The following DCUN1D5 variants were observed in gnomAD, a reference collection of about 807,000 sequenced individuals.
The protein encoded by DCUN1D5 is DCN1-like protein 5.
Under a neutral mutation model 38.3 loss-of-function variants are expected in DCUN1D5, and 10 were observed. The observed-to-expected ratio is 0.26, with a 90% CI of 0.16 to 0.44. The LOEUF is 0.44. DCUN1D5 is among the 20% of genes least tolerant of loss of function. DCUN1D5 has a pLI of 1.00. For missense variants in DCUN1D5, 148 were observed against 275.3 expected (o/e 0.54, Z 3.27); for synonymous variants, 93 against 90.9 (o/e 1.02, Z -0.13).
intron 4 of DCUN1D5, among the ~76,000 whole-genome samples, chr11:103,081,006 TAAAAAA>T (rs746448262): frequency 2.2e-5 from 3 of 138,650 alleles, no homozygotes; most frequent in African/African-American, 7.9e-5. Context: ...AGACTCCGTC[TAAAAAA>T]AAAAAAAAAC....
At position 103,051,511 on chromosome 11, in the gene DCUN1D5, C is replaced by CG. The variant is rs1260776350; in HGVS notation, c.*10847_*10848insC. The CG allele has an allele frequency of 8.3e-6, 1 of 120,456 alleles. No homozygotes were observed. Among genetic ancestry groups the CG allele is most frequent in the East Asian group, 3.1e-4 (1 of 3,272 alleles). The allele number at this position is 120,456 out of a possible 1,614,324, so 7.5% of individuals were successfully genotyped here. On this transcript the variant is annotated 3_prime_UTR_variant, in exon 8 of 8. Transcript: ENST00000260247. Reference sequence around the variant, plus strand: ...CTTCACATATTTACTTCCCCCCCCCCCCCGCCACCCCTGTGTTAACAGGTT... The same window carrying CG: ...CTTCACATATTTACTTCCCCCCCCCCGCCCGCCACCCCTGTGTTAACAGGTT...
rs781029379 is a variant in DCUN1D5, at chr11:103,073,002, C to T, written c.342-6435G>A. ...CTATGTAGAAAATCCAAGGTCTATA[C>T]AGAAAACATCTTAGAACGAACAGGT... is the stretch of plus-strand genomic sequence containing the variant. On this transcript the variant is annotated intron_variant, in intron 4 of 7. Transcript: ENST00000260247. This position sits in a 1 kb window ranked among gnomAD's most constrained non-coding sequence, Gnocchi z 4.2. Among the ~76,000 whole-genome samples, 1 of 152,070 alleles carries T rather than the reference C, an allele frequency of 6.6e-6. No individual in the cohort carries two copies. Among genetic ancestry groups the T allele is most frequent in the African/African-American group, 2.4e-5 (1 of 41,402 alleles).
intron 4 of DCUN1D5, among the ~76,000 whole-genome samples, chr11:103,074,360 C>A (rs898607706): frequency 3.9e-5 from 6 of 152,122 alleles, no homozygotes; most frequent in African/African-American, 1.4e-4. Flanking sequence ...GATCACTGAT[C>A]CTTACAAGTC....
intron 2 of DCUN1D5, among the ~76,000 whole-genome samples, chr11:103,085,496 A>C (rs1862681800): frequency 1.3e-5 from 2 of 152,200 alleles, no homozygotes; most frequent in Non-Finnish European, 2.9e-5. Flanking sequence ...CTGGAGGATT[A>C]CTTGGTGATT....
Position 103,051,561 on chromosome 11 carries a change from T to C in DCUN1D5, c.*10798A>G, listed in dbSNP as rs529296143. ...TTACTGGCAGATGCAGGAGGTGACA[T>C]TCCAGTGGCTCCATTATTTTCATTA... On this transcript the variant is annotated 3_prime_UTR_variant, in exon 8 of 8. Transcript: ENST00000260247. 6.9e-6 allele frequency: 1 copy of C among 144,802 alleles called. No individual in the cohort carries two copies. Among genetic ancestry groups the C allele is most frequent in the African/African-American group, 2.6e-5 (1 of 38,874 alleles). 9.0% of individuals were successfully genotyped at this position (144,802 alleles called of 1,614,324 possible).
rs894973590 is a variant in DCUN1D5, at chr11:103,059,735, T to A, written c.*2624A>T. Among the ~76,000 whole-genome samples, 1 of 90,222 alleles carries A rather than the reference T, an allele frequency of 1.1e-5. No homozygotes were observed. The highest frequency in any genetic ancestry group is 2.0e-5 in the Non-Finnish European group (1 of 49,092). 59.2% of individuals were successfully genotyped at this position (90,222 alleles called of 152,430 possible). ...TAACATCATACCTTATTAAGAATTA[T>A]TGGCCCCGAGGAGTGGGGGGGTGGG... On this transcript the variant is annotated 3_prime_UTR_variant, in exon 8 of 8. Transcript: ENST00000260247.
intron 4 of DCUN1D5, among the ~76,000 whole-genome samples, chr11:103,074,077 C>T (rs916720135): frequency 1.3e-5 from 2 of 151,830 alleles, no homozygotes; most frequent in African/African-American, 4.8e-5. Flanking sequence ...TGGAGTGCAA[C>T]AGAGTGAGAT....
chr11:103,080,114 T>C (rs1591221634), intron 4 of DCUN1D5: 1 of 152,230 alleles, frequency 6.6e-6, no homozygotes, highest in Admixed American at 6.5e-5. Flanking sequence ...ACACAGTGTA[T>C]GTTTTAAACT....
In DCUN1D5 at chr11:103,050,961, A is replaced by C. The variant is rs1337796681; in HGVS notation, c.*11398T>G. 2 of 152,210 alleles carry C rather than the reference A, an allele frequency of 1.3e-5. No homozygotes were observed. Among genetic ancestry groups the C allele is most frequent in the African/African-American group, 4.8e-5 (2 of 41,460 alleles). The allele number at this position is 152,210 out of a possible 1,614,324, so 9.4% of individuals were successfully genotyped here. A position where few individuals can be genotyped will look rare whatever the true frequency, so the allele number is the denominator to read the frequency against. On this transcript the variant is annotated 3_prime_UTR_variant, in exon 8 of 8. Transcript: ENST00000260247. The stretch of plus-strand genomic sequence containing the variant: ...TTTCTTTAAAAATAATCAGACCCAG[A>C]ATAAGGGGGGAAACCCTCCATGTCT...
rs2134631680 is a variant in DCUN1D5, at chr11:103,083,418, T to C, written c.179-92A>G. Reference sequence around the variant, plus strand: ...AAAGGTACCCATGAACACACCATAATATTTTGCAAATAATTAAATTTGAAT... The same window carrying C: ...AAAGGTACCCATGAACACACCATAACATTTTGCAAATAATTAAATTTGAAT... On this transcript the variant is annotated intron_variant, in intron 2 of 7. Coordinates refer to ENST00000260247, the MANE Select transcript of DCUN1D5 (RefSeq NM_032299.4). This position sits in a 1 kb window ranked among gnomAD's most constrained non-coding sequence, Gnocchi z 4.4. 3.2e-6 allele frequency: 2 copies of C among 628,786 alleles called. No individual in the cohort carries two copies. Among genetic ancestry groups the C allele is most frequent in the East Asian group, 5.7e-5 (2 of 35,348 alleles). The allele number at this position is 628,786 out of a possible 1,614,324, so 39.0% of individuals were successfully genotyped here.
rs1331148578 is a variant in DCUN1D5, at chr11:103,073,828, T to C, written c.342-7261A>G. ...GGGCTCATGTCTGTAATCCCAACAT[T>C]TTTGGAGGCTCAGGCGGGCAGATCA... On this transcript the variant is annotated intron_variant, in intron 4 of 7. Transcript: ENST00000260247. The surrounding 1 kb of genome is among the most constrained non-coding windows in gnomAD (Gnocchi z 4.2). Among the ~76,000 whole-genome samples the C allele has an allele frequency of 6.6e-6, 1 of 152,100 alleles. No individual in the cohort carries two copies. Among genetic ancestry groups the C allele is most frequent in the Admixed American group, 6.6e-5 (1 of 15,266 alleles).
rs1015673214 is a variant in DCUN1D5 at position 103,051,765 on chromosome 11, G to A, written c.*10594C>T. The A allele has an allele frequency of 3.3e-5, 5 of 152,072 alleles. No individual in the cohort carries two copies. The highest frequency in any genetic ancestry group is 1.2e-4 in the African/African-American group (5 of 41,362). The allele number at this position is 152,072 out of a possible 1,614,324, so 9.4% of individuals were successfully genotyped here. ...AGGGAGCTCAAGTTATCTTCTCAAG[G>A]TCACATAGTCACTAAGAAGCAAAGG... On this transcript the variant is annotated 3_prime_UTR_variant, in exon 8 of 8. Coordinates refer to ENST00000260247, the MANE Select transcript of DCUN1D5 (RefSeq NM_032299.4).
chr11:103,078,574 T>C lies in DCUN1D5; in HGVS notation c.341+4174A>G, dbSNP rs552541131. On this transcript the variant is annotated intron_variant, in intron 4 of 7. Coordinates refer to ENST00000260247, the MANE Select transcript of DCUN1D5 (RefSeq NM_032299.4). The surrounding 1 kb of genome is among the most constrained non-coding windows in gnomAD (Gnocchi z 4.6). The stretch of plus-strand genomic sequence containing the variant: ...AATTCCTGTGCTTTAAAATCTCTGA[T>C]GGTTTCCCAATATCTGTAACATAGA... Among the ~76,000 whole-genome samples, 4 of 152,388 alleles carry C rather than the reference T, an allele frequency of 2.6e-5. No individual in the cohort carries two copies. In the East Asian group the frequency reaches 7.7e-4, roughly 29 times the overall value.
In DCUN1D5 at chr11:103,091,716, C is replaced by A; in HGVS notation, c.86+71G>T. ...CAGCCCCAGCCCGGCAGGCCGGGCC[C>A]GACTCCTTTTCCTCCAGTTGTCCAG... On this transcript the variant is annotated intron_variant, in intron 1 of 7. Transcript: ENST00000260247. The surrounding 1 kb of genome is among the most constrained non-coding windows in gnomAD (Gnocchi z 4.3). 2 of 1,611,948 alleles carry A rather than the reference C, an allele frequency of 1.2e-6. No individual in the cohort carries two copies. Among genetic ancestry groups the A allele is most frequent in the Non-Finnish European group, 1.7e-6 (2 of 1,178,876 alleles).
chr11:103,089,381 T>C, intron 1 of DCUN1D5, 63 bp from the exon 2 acceptor site: 1 of 1,409,064 alleles, frequency 7.1e-7, no homozygotes, highest in Non-Finnish European at 9.7e-7. Context: ...AAAAACTAAG[T>C]TCAAAATTAA....
rs1591199953 is a variant in DCUN1D5, at chr11:103,059,647, C to T, written c.*2712G>A. Among the ~76,000 whole-genome samples, 1 of 151,270 alleles carries T rather than the reference C, an allele frequency of 6.6e-6. No homozygotes were observed. Among genetic ancestry groups the T allele is most frequent in the South Asian group, 2.1e-4 (1 of 4,800 alleles). On this transcript the variant is annotated 3_prime_UTR_variant, in exon 8 of 8. Transcript: ENST00000260247. ...AAACATGGTAATGCAGTCAGGCCAG[C>T]ACACAATACACCGTTTTCATCACAC...
In DCUN1D5 at chr11:103,086,304, T is replaced by TTAA. The variant is rs920127461; in HGVS notation, c.178+2920_178+2922dup. Among the ~76,000 whole-genome samples the TTAA allele has an allele frequency of 3.9e-5, 6 of 152,354 alleles. No homozygotes were observed. The highest frequency in any genetic ancestry group is 1.4e-4 in the African/African-American group (6 of 41,576). On this transcript the variant is annotated intron_variant, in intron 2 of 7. Transcript: ENST00000260247. The surrounding 1 kb of genome is among the most constrained non-coding windows in gnomAD (Gnocchi z 4.1). ...CTGATGCTGTAATGCTATTACTGTT[T>TTAA]TAATAATAATAACATTTGAGTTCTG... is the stretch of plus-strand genomic sequence containing the variant.
intron 4 of DCUN1D5, among the ~76,000 whole-genome samples, chr11:103,082,316 G>C (rs528557825): frequency 1.3e-5 from 2 of 152,086 alleles, no homozygotes; most frequent in African/African-American, 2.4e-5. Flanking sequence ...AAAGGGTTAT[G>C]TAACTCTATC....
At position 103,078,464 on chromosome 11, in the gene DCUN1D5, G is replaced by C. The variant is rs1410718422; in HGVS notation, c.341+4284C>G. ...CCTCTTAATGGGAACGAGGTCCATA[G>C]TTCTCATAAGACTCTCAAAAGAGAC... On this transcript the variant is annotated intron_variant, in intron 4 of 7. Coordinates refer to ENST00000260247, the MANE Select transcript of DCUN1D5 (RefSeq NM_032299.4). This position sits in a 1 kb window ranked among gnomAD's most constrained non-coding sequence, Gnocchi z 4.6. 6.6e-6 allele frequency among the ~76,000 whole-genome samples: 1 copy of C among 152,174 alleles called. No homozygotes were observed. Among genetic ancestry groups the C allele is most frequent in the East Asian group, 1.9e-4 (1 of 5,202 alleles).
Sources: allele counts gnomAD v4.1 joint callset (sites outside exome capture counted in the v4.1 genomes callset), GRCh38; gene constraint gnomAD v4.1.1; non-coding constraint Gnocchi (gnomAD v3.1); transcripts MANE v1.5; gene names NCBI Gene and HGNC (gene_info 2026-07-23, HGNC 2026-07-21).